PDE4D: variants seen among roughly 807,000 people sequenced by gnomAD.
The protein encoded by PDE4D is phosphodiesterase 4D.
A neutral mutation model predicts 87.4 loss-of-function variants in PDE4D; 24 were observed. The observed-to-expected ratio is 0.27, with a 90% CI of 0.20 to 0.39. PDE4D has a LOEUF of 0.39. Among genes scored for constraint, PDE4D ranks in the 10% least tolerant of loss-of-function variants. The pLI is 1.00. For missense variants in PDE4D, 714 were observed against 1,041.0 expected (o/e 0.69, Z 4.32); for synonymous variants, 384 against 383.2 (o/e 1.00, Z -0.02).
intron 3 of PDE4D, among the ~76,000 whole-genome samples, chr5:59,958,009 T>C (rs1759041672): frequency 6.6e-6 from 1 of 152,140 alleles, no homozygotes; most frequent in Non-Finnish European, 1.5e-5. Flanking sequence ...TACATTTAAA[T>C]AGACAAATTA....
intron 2 of PDE4D, among the ~76,000 whole-genome samples, chr5:60,108,171 C>A (rs1173850800): frequency 6.6e-6 from 1 of 151,656 alleles, no homozygotes; most frequent in Non-Finnish European, 1.5e-5. Flanking sequence ...TCTCAGGATA[C>A]AAAATCAATG....
At chr5:59,946,326 T>C (rs1254959094) in intron 3 of PDE4D, among the ~76,000 whole-genome samples, 1 of 152,190 alleles carries the variant, frequency 6.6e-6, no homozygotes, top group African/African-American at 2.4e-5. Flanking sequence ...AATGAATTAC[T>C]TGGAATTAAA....
chr5:60,204,570 T>C (rs772449567), intron 1 of PDE4D, among the ~76,000 whole-genome samples: 3 of 152,244 alleles, frequency 2.0e-5, no homozygotes, highest in South Asian at 2.1e-4. Flanking sequence ...TCCCGCATTC[T>C]ACATATGATA....
intron 8 of PDE4D, 60 bp downstream of exon 8, chr5:58,991,772 G>A: frequency 9.0e-7 from 1 of 1,114,258 alleles, no homozygotes; most frequent in East Asian, 2.8e-5. Context: ...GACTAGAAGT[G>A]AAAATTCATG....
intron 1 of PDE4D, among the ~76,000 whole-genome samples, chr5:59,428,442 T>A (rs905725301): frequency 7.9e-5 from 12 of 152,248 alleles, no homozygotes; most frequent in African/African-American, 2.9e-4. Flanking sequence ...CAGATTTTTT[T>A]AAGTAATTAG....
intron 1 of PDE4D, among the ~76,000 whole-genome samples, chr5:59,651,629 TA>T (rs1406646711): frequency 6.6e-6 from 1 of 151,332 alleles, no homozygotes; most frequent in African/African-American, 2.4e-5. Flanking sequence ...ATCTTGACAT[TA>T]AAAGAATTGC....
chr5:60,128,328 C>G (rs1779287803), intron 2 of PDE4D, among the ~76,000 whole-genome samples: 1 of 152,208 alleles, frequency 6.6e-6, no homozygotes, highest in African/African-American at 2.4e-5. Flanking sequence ...GCAGTATCAT[C>G]TGACCTTAAG....
At chr5:59,143,610 C>A (rs1778217109) in intron 5 of PDE4D, among the ~76,000 whole-genome samples, 1 of 152,144 alleles carries the variant, frequency 6.6e-6, no homozygotes, top group Non-Finnish European at 1.5e-5. Flanking sequence ...AGTAAGTACT[C>A]AATAAATATT....
At chr5:59,744,766 A>C (rs1186184502) in intron 1 of PDE4D, among the ~76,000 whole-genome samples, 1 of 152,196 alleles carries the variant, frequency 6.6e-6, no homozygotes, top group Non-Finnish European at 1.5e-5. Flanking sequence ...GGTGAGTAGC[A>C]TTGGGTCATA....
intron 1 of PDE4D, among the ~76,000 whole-genome samples, chr5:60,257,798 C>T (rs1749249506): frequency 1.3e-5 from 2 of 151,894 alleles, no homozygotes; most frequent in African/African-American, 4.8e-5. Context: ...CAGAAGGATG[C>T]CAAGTACAGA....
At chr5:59,738,284 T>C (rs1403233115) in intron 1 of PDE4D, among the ~76,000 whole-genome samples, 1 of 152,184 alleles carries the variant, frequency 6.6e-6, no homozygotes, top group African/African-American at 2.4e-5. Flanking sequence ...TCATACAATG[T>C]ATTCTGTTGT....
intron 1 of PDE4D, among the ~76,000 whole-genome samples, chr5:59,441,272 T>C (rs1469931361): frequency 6.6e-6 from 1 of 152,142 alleles, no homozygotes; most frequent in East Asian, 1.9e-4. Context: ...TTTTTAAAAA[T>C]TTTTAGGAGA....
At chr5:59,574,070 A>G (rs1316799183) in intron 1 of PDE4D, among the ~76,000 whole-genome samples, 1 of 18,348 alleles carries the variant, frequency 5.5e-5, no homozygotes, top group African/African-American at 1.8e-4. Context: ...AAATATATAT[A>G]TTTATATATA....
chr5:60,480,440 T>G (rs1265499701), intron 1 of PDE4D, among the ~76,000 whole-genome samples: 1 of 152,100 alleles, frequency 6.6e-6, no homozygotes, highest in African/African-American at 2.4e-5. Context: ...CCCAACCAGA[T>G]AGGTACTATT....
intron 3 of PDE4D, among the ~76,000 whole-genome samples, chr5:59,927,660 G>C (rs141618562): frequency 6.6e-6 from 1 of 152,084 alleles, no homozygotes; most frequent in Non-Finnish European, 1.5e-5. Flanking sequence ...TAATTAGTAC[G>C]AAGGCACATA....
At chr5:59,278,064 T>C (rs1765156744) in intron 1 of PDE4D, among the ~76,000 whole-genome samples, 1 of 152,144 alleles carries the variant, frequency 6.6e-6, no homozygotes, top group Non-Finnish European at 1.5e-5. Flanking sequence ...AAAGATGCGC[T>C]ATGTTGTAAG....
chr5:59,697,744 G>C (rs977650836), intron 1 of PDE4D, among the ~76,000 whole-genome samples: 1 of 152,210 alleles, frequency 6.6e-6, no homozygotes, highest in African/African-American at 2.4e-5. Context: ...ATTCTGATGA[G>C]TTGTTATTAT....
chr5:60,096,740 C>A (rs1775717420), intron 2 of PDE4D, among the ~76,000 whole-genome samples: 1 of 152,018 alleles, frequency 6.6e-6, no homozygotes, highest in Non-Finnish European at 1.5e-5. Flanking sequence ...GGCTGAAACC[C>A]TGAAAGCTAA....
At chr5:59,756,889 C>T (rs940385582) in intron 1 of PDE4D, among the ~76,000 whole-genome samples, 9 of 151,398 alleles carry the variant, frequency 5.9e-5, no homozygotes, top group Admixed American at 1.3e-4. Context: ...CCTCCGCCTC[C>T]TAGGTTCCAG....
Sources: allele counts gnomAD v4.1 joint callset (sites outside exome capture counted in the v4.1 genomes callset), GRCh38; gene constraint gnomAD v4.1.1; transcripts MANE v1.5; gene names NCBI Gene and HGNC (gene_info 2026-07-23, HGNC 2026-07-21).